AGO3: variants seen among roughly 807,000 people sequenced by gnomAD.
The protein encoded by AGO3 is argonaute RISC catalytic component 3, also known as protein argonaute-3.
Under a neutral mutation model 105.5 loss-of-function variants are expected in AGO3, and 16 were observed. That is an observed-to-expected ratio of 0.15 (90% confidence interval 0.10 to 0.23). The LOEUF is 0.23. AGO3 is among the 10% of genes least tolerant of loss of function. AGO3 has a pLI of 1.00. For synonymous variants in AGO3, 340 were observed against 367.3 expected (o/e 0.93, Z 0.85); for missense variants, 534 against 1,088.0 (o/e 0.49, Z 7.16).
At position 36,008,480 on chromosome 1, in the gene AGO3, G is replaced by T. The variant is rs776558756; in HGVS notation, c.794-210G>T. 6.6e-6 allele frequency among the ~76,000 whole-genome samples: 1 copy of T among 151,148 alleles called. No individual in the cohort carries two copies. Among genetic ancestry groups the T allele is most frequent in the Non-Finnish European group, 1.5e-5 (1 of 67,738 alleles). On this transcript the variant is annotated intron_variant, in intron 6 of 18. Transcript: ENST00000373191. This position sits in a 1 kb window ranked among gnomAD's most constrained non-coding sequence, Gnocchi z 5.1. Reference sequence around the variant, plus strand: ...TTTTTAATGTGTAGAGCTTGATGGGGTAAGGAAAAATTTTGCCATTAGGTC... The same window carrying T: ...TTTTTAATGTGTAGAGCTTGATGGGTTAAGGAAAAATTTTGCCATTAGGTC...
At position 36,013,941 on chromosome 1, in the gene AGO3, T is replaced by C. The variant is rs2148819366; in HGVS notation, c.1299T>C (p.His433=). Residue 433 remains histidine (H), a synonymous_variant, in exon 11 of 19, where the codon CAT becomes CAC. Coordinates refer to ENST00000373191, the MANE Select transcript of AGO3 (RefSeq NM_024852.4). ...GRNRTVATPS[H]GVWDMRGKQF... ...ATCGGACAGTAGCAACACCGAGCCATGGAGTATGGGACATGCGAGGGAAAC... is the reference window on the plus strand; with the variant it reads ...ATCGGACAGTAGCAACACCGAGCCACGGAGTATGGGACATGCGAGGGAAAC... 1 of 1,613,288 alleles carries C rather than the reference T, an allele frequency of 6.2e-7. No homozygotes were observed. The highest frequency in any genetic ancestry group is 8.5e-7 in the Non-Finnish European group (1 of 1,179,746).
chr1:36,042,429 A>G (rs991757235), intron 16 of AGO3, among the ~76,000 whole-genome samples: 1 of 152,176 alleles, frequency 6.6e-6, no homozygotes, highest in African/African-American at 2.4e-5. Flanking sequence ...CGTGTTGCTA[A>G]TTTATTAGAG....
chr1:35,989,298 CCTAA>C (rs1432936296), intron 5 of AGO3, among the ~76,000 whole-genome samples: 3 of 152,148 alleles, frequency 2.0e-5, no homozygotes, highest in Admixed American at 6.5e-5. Flanking sequence ...CATTTAATAG[CCTAA>C]CTTTCAACTG....
At chr1:35,935,084 A>G (rs375626665) in intron 1 of AGO3, among the ~76,000 whole-genome samples, 1 of 152,196 alleles carries the variant, frequency 6.6e-6, no homozygotes, top group South Asian at 2.1e-4. Flanking sequence ...ATTTTGGCTT[A>G]TGCTGCCCTG....
rs777424063 is a variant in AGO3, at chr1:35,931,393, G to A, written c.-34G>A. The A allele has an allele frequency of 3.5e-6, 5 of 1,411,868 alleles. No homozygotes were observed. The Admixed American group carries it at 1.5e-4, about 43-fold the overall frequency. The allele number at this position is 1,411,868 out of a possible 1,614,324, so 87.5% of individuals were successfully genotyped here. On this transcript the variant is annotated 5_prime_UTR_variant, in exon 1 of 19. Coordinates refer to ENST00000373191, the MANE Select transcript of AGO3 (RefSeq NM_024852.4). ...CTCCTTGCCGCCAGTGGCGGGCTCC[G>A]TTCTCCCTCGAAGCACTCCCCCCAG...
chr1:35,972,303 T>G (rs1646883765), intron 4 of AGO3, 71 bp downstream of exon 4: 1 of 1,470,754 alleles, frequency 6.8e-7, no homozygotes, highest in African/African-American at 1.4e-5. Context: ...CTTCCCTTGG[T>G]TAAACCTTTA....
At chr1:36,050,636 AC>A (rs1642673200) in intron 17 of AGO3, among the ~76,000 whole-genome samples, 1 of 151,692 alleles carries the variant, frequency 6.6e-6, no homozygotes, top group South Asian at 2.1e-4. Flanking sequence ...TACTAAAAAT[AC>A]AAAAATTAGC....
intron 11 of AGO3, among the ~76,000 whole-genome samples, chr1:36,017,068 T>C (rs910615766): frequency 2.0e-5 from 3 of 152,238 alleles, no homozygotes; most frequent in African/African-American, 7.2e-5. Context: ...TTTATAAGTA[T>C]GGTGTTCCTC....
chr1:36,062,324 G>T lies in AGO3; in HGVS notation c.*6579G>T, dbSNP rs915468160. ...ATTACAGGCATGCACCACCACACCC[G>T]GCCCTAATTAGTCATTATTAAGGAG... On this transcript the variant is annotated 3_prime_UTR_variant, in exon 19 of 19. Transcript: ENST00000373191. 2 of 151,746 alleles carry T rather than the reference G, an allele frequency of 1.3e-5. No homozygotes were observed. Among genetic ancestry groups the T allele is most frequent in the African/African-American group, 2.4e-5 (1 of 41,320 alleles). The allele number at this position is 151,746 out of a possible 1,614,324, so 9.4% of individuals were successfully genotyped here. A position where few individuals can be genotyped will look rare whatever the true frequency, so the allele number is the denominator to read the frequency against.
rs1052993846 is a variant in AGO3, at chr1:36,064,068, G to T, written c.*8323G>T. 1.3e-5 allele frequency: 2 copies of T among 151,588 alleles called. No individual in the cohort carries two copies. The highest frequency in any genetic ancestry group is 2.0e-4 in the East Asian group (1 of 5,070). The allele number at this position is 151,588 out of a possible 1,614,324, so 9.4% of individuals were successfully genotyped here. A position where few individuals can be genotyped will look rare whatever the true frequency, so the allele number is the denominator to read the frequency against. ...GCCAAGATCAAGATTATGGATATTG[G>T]TATGTTAACTTTTAAAATAAAAGTA... On this transcript the variant is annotated 3_prime_UTR_variant, in exon 19 of 19. Coordinates refer to ENST00000373191, the MANE Select transcript of AGO3 (RefSeq NM_024852.4).
rs1379520906 is a variant in AGO3 at position 36,068,890 on chromosome 1, T to C, written c.*13145T>C. ...TAAGGTGTTCTTTAATGGAGGAACT[T>C]TTGAAAGATCACAAATGGAAAAAGC... On this transcript the variant is annotated 3_prime_UTR_variant, in exon 19 of 19. Transcript: ENST00000373191. 1.3e-5 allele frequency: 2 copies of C among 152,174 alleles called. No homozygotes were observed. The highest frequency in any genetic ancestry group is 4.8e-5 in the African/African-American group (2 of 41,440). 9.4% of individuals were successfully genotyped at this position (152,174 alleles called of 1,614,324 possible). A position where few individuals can be genotyped will look rare whatever the true frequency, so the allele number is the denominator to read the frequency against.
chr1:36,052,067 A>T (rs555065504), intron 17 of AGO3, among the ~76,000 whole-genome samples: 1 of 152,322 alleles, frequency 6.6e-6, no homozygotes, highest in Non-Finnish European at 1.5e-5. Context: ...ACTACTGAGT[A>T]TATATGCAAA....
At chr1:36,051,224 C>A (rs1294894496) in intron 17 of AGO3, among the ~76,000 whole-genome samples, 1 of 152,142 alleles carries the variant, frequency 6.6e-6, no homozygotes, top group Non-Finnish European at 1.5e-5. Flanking sequence ...CATGAGTTAC[C>A]ATGCCCGGCC....
At chr1:35,951,118 C>T (rs1458788959) in intron 2 of AGO3, among the ~76,000 whole-genome samples, 4 of 151,986 alleles carry the variant, frequency 2.6e-5, no homozygotes, top group Non-Finnish European at 5.9e-5. Context: ...GCCCAGCTAG[C>T]GTTTGTATTT....
At chr1:36,010,762 C>G (rs1569765743) in intron 9 of AGO3, among the ~76,000 whole-genome samples, 1 of 151,600 alleles carries the variant, frequency 6.6e-6, no homozygotes, top group African/African-American at 2.4e-5. Context: ...CAAAATTAGC[C>G]AGGCATAGTG....
intron 13 of AGO3, among the ~76,000 whole-genome samples, chr1:36,034,931 A>G (rs1299642887): frequency 2.6e-5 from 4 of 152,314 alleles, no homozygotes; most frequent in Non-Finnish European, 4.4e-5. Flanking sequence ...GTAAGAGACA[A>G]CATGACCTAG....
intron 1 of AGO3, among the ~76,000 whole-genome samples, chr1:35,937,565 C>T (rs1047908328): frequency 2.9e-5 from 4 of 136,394 alleles, no homozygotes; most frequent in Admixed American, 2.3e-4. Context: ...GTGGCGTACA[C>T]CTGTAATTCA....
intron 3 of AGO3, 91 bp from the exon 4 acceptor site, chr1:35,971,933 G>T: frequency 2.4e-6 from 3 of 1,257,948 alleles, no homozygotes; most frequent in Non-Finnish European, 2.2e-6. Context: ...TTTTTGCCAT[G>T]TTTTCTCTTA....
rs1443752599 is a variant in AGO3 at position 36,027,136 on chromosome 1, AAGATTTCTAAGGATGC to A, written c.1432_1447del (p.Ile478GlyfsTer20). 6.2e-7 allele frequency: 1 copy of A among 1,613,678 alleles called. No homozygotes were observed. The highest frequency in any genetic ancestry group is 1.1e-5 in the South Asian group (1 of 91,062). On this transcript the variant is annotated frameshift_variant, in exon 12 of 19. Coordinates refer to ENST00000373191, the MANE Select transcript of AGO3 (RefSeq NM_024852.4). LOFTEE classifies it high-confidence loss of function. This position sits in a 1 kb window ranked among gnomAD's most constrained non-coding sequence, Gnocchi z 4.0. ...CAGGGGTTTCACAGACCAGCTGCGTAAGATTTCTAAGGATGCAGGGATGCCCATCCAGGGCCAGCCA... is the reference window on the plus strand; with the variant it reads ...CAGGGGTTTCACAGACCAGCTGCGTAAGGGATGCCCATCCAGGGCCAGCCA...
Sources: gnomAD v4.1 joint callset for allele counts (sites outside exome capture counted in the v4.1 genomes callset) on GRCh38, gnomAD v4.1.1 for gene constraint, Gnocchi (gnomAD v3.1) non-coding constraint, MANE v1.5 for transcripts, NCBI Gene and HGNC (gene_info 2026-07-23, HGNC 2026-07-21) for gene names.